CLEC10A: variants seen among roughly 807,000 people sequenced by gnomAD.
CLEC10A encodes C-type lectin domain family 10 member A.
CLEC10A carries 38 observed loss-of-function variants against 42.0 expected under a neutral mutation model. The observed-to-expected ratio is 0.90, with a 90% CI of 0.70 to 1.18. CLEC10A has a LOEUF of 1.18. CLEC10A is among the 50% of genes most tolerant of loss of function. The probability of loss-of-function intolerance (pLI) is 0.00; values close to 1 mark genes in which losing one functional copy is unlikely to be tolerated. For missense variants in CLEC10A, 298 were observed against 345.9 expected, an observed-to-expected ratio of 0.86 and a Z score of 1.10; for synonymous variants, 126 against 139.9, an observed-to-expected ratio of 0.90 and a Z score of 0.70.
Position 7,075,162 on chromosome 17 carries a change from G to C in CLEC10A, c.762C>G (p.Asp254Glu). ...WQGHGLGGGE[D>E]CAHFHPDGRW... ...TGCCGTCTGGATGGAAGTGAGCACAGTCCTCGCCTCCACCCAGCCCGTGCC... is the reference window on the plus strand; with the variant it reads ...TGCCGTCTGGATGGAAGTGAGCACACTCCTCGCCTCCACCCAGCCCGTGCC... Residue 254 changes from aspartate (D) to glutamate (E), a missense_variant, in exon 9 of 9, where the codon GAC becomes GAG. Coordinates refer to ENST00000416562, the MANE Select transcript of CLEC10A (RefSeq NM_001330070.2). 1 of 1,604,698 alleles carries C rather than the reference G, an allele frequency of 6.2e-7. No individual in the cohort carries two copies. The highest frequency in any genetic ancestry group is 8.5e-7 in the Non-Finnish European group (1 of 1,176,548).
rs200740525 is a variant in CLEC10A at position 7,075,870 on chromosome 17, G to C, written c.455C>G (p.Thr152Ser). The C allele has an allele frequency of 1.2e-5, 19 of 1,611,742 alleles. No individual in the cohort carries two copies. In the East Asian group the frequency reaches 4.0e-4, roughly 34 times the overall value. ...TLNNNASTEG[T>S]CCPVNWVEHQ... is the part of the protein sequence containing the mutation. ...CTCCACCCAGTTGACAGGGCAGCAG[G>C]TCCCTTCAGTGGAGGCTGATTGGGG... Residue 152 changes from threonine (T) to serine (S), a missense_variant, in exon 7 of 9, where the codon ACC (threonine) becomes AGC (serine). Thr to Ser is a moderately conservative substitution (Grantham distance 58, BLOSUM62 1). This residue lies in a region of CLEC10A where 267 missense variants were observed against 289.5 expected (regional missense o/e 0.92). Transcript: ENST00000416562.
intron 5 of CLEC10A, 60 bp downstream of exon 5, chr17:7,076,672 TC>T: frequency 1.3e-6 from 2 of 1,569,810 alleles, no homozygotes; most frequent in Non-Finnish European, 1.8e-6. Context: ...AGGAGTCTGT[TC>T]CCACCTCCAC....
chr17:7,078,682 A>G, intron 2 of CLEC10A, 64 bp downstream of exon 2: 1 of 1,510,506 alleles, frequency 6.6e-7, no homozygotes, highest in Non-Finnish European at 9.2e-7. Context: ...TACAGAAATG[A>G]TAGGAGAAAT....
chr17:7,076,800 G>A lies in CLEC10A; in HGVS notation c.285C>T (p.Ser95=), dbSNP rs1284928361. 1.2e-6 allele frequency: 2 copies of A among 1,613,738 alleles called. No homozygotes were observed. The highest frequency in any genetic ancestry group is 3.3e-5 in the Admixed American group (2 of 59,974). The change falls in exon 5 of 9, where the codon AGC becomes AGT. Residue 95 remains serine (S), a synonymous_variant. Coordinates refer to ENST00000416562, the MANE Select transcript of CLEC10A (RefSeq NM_001330070.2). The part of the protein sequence containing the change: ...AEIQALTSQG[S]SLEETIASLK... ...GAGATGCTATCGTTTCTTCCAAGCT[G>A]CTGCCTGGAGGACACGGAGACTTGG...
chr17:7,077,001 TG>T lies in CLEC10A; in HGVS notation c.185-15del. 1 of 1,581,580 alleles carries T rather than the reference TG, an allele frequency of 6.3e-7. No homozygotes were observed. Among genetic ancestry groups the T allele is most frequent in the Non-Finnish European group, 8.7e-7 (1 of 1,150,742 alleles). ...GAAATTTGGAATCTAAACAGGTGGATGGGAAGGTCAGTGCTGGGATTCATCA... is the reference window on the plus strand; with the variant it reads ...GAAATTTGGAATCTAAACAGGTGGATGGAAGGTCAGTGCTGGGATTCATCA... On this transcript the variant is annotated splice_polypyrimidine_tract_variant and intron_variant, in intron 3 of 8. Coordinates refer to ENST00000416562, the MANE Select transcript of CLEC10A (RefSeq NM_001330070.2).
In CLEC10A at chr17:7,076,080, C is replaced by T. The variant is rs1187699912; in HGVS notation, c.353-9G>A. 1.2e-5 allele frequency: 19 copies of T among 1,614,050 alleles called. No homozygotes were observed. The highest frequency in any genetic ancestry group is 1.5e-5 in the Non-Finnish European group (18 of 1,180,050). On this transcript the variant is annotated splice_polypyrimidine_tract_variant and intron_variant, in intron 5 of 8. Transcript: ENST00000416562. ...GAGCATTTCAGAATGAACTGGGACA[C>T]ACACAGATGGGCAGTGGGGACAGTG...
chr17:7,076,618 C>T, intron 5 of CLEC10A, 115 bp downstream of exon 5: 1 of 1,213,092 alleles, frequency 8.2e-7, no homozygotes, highest in Non-Finnish European at 1.2e-6. Flanking sequence ...GGCCTGCATG[C>T]TGCCTTTCAA....
At chr17:7,077,931 A>G in intron 3 of CLEC10A, 66 bp downstream of exon 3, 1 of 1,241,258 alleles carries the variant, frequency 8.1e-7, no homozygotes, top group Non-Finnish European at 1.2e-6. Context: ...GCCCTACTGT[A>G]GCACCCCATT....
intron 6 of CLEC10A, 28 bp downstream of exon 6, chr17:7,075,957 G>A (rs1365059109): frequency 6.2e-7 from 1 of 1,613,566 alleles, no homozygotes. Flanking sequence ...AGAAAAGTAG[G>A]GCCAGGTACT....
chr17:7,076,012 A>G lies in CLEC10A; in HGVS notation c.412T>C (p.Cys138Arg), dbSNP rs112729653. Residue 138 changes from cysteine to arginine, a missense_variant, in exon 6 of 9, where the codon TGC (cysteine) becomes CGC (arginine). By Grantham distance (180) the Cys-to-Arg change is radical. Coordinates refer to ENST00000416562, the MANE Select transcript of CLEC10A (RefSeq NM_001330070.2). ...TTGTTGTTGAGAGTAGCCACCTGGCAGGTCAGTTTCTTCAGGTCTTGCACC... is the reference window on the plus strand; with the variant it reads ...TTGTTGTTGAGAGTAGCCACCTGGCGGGTCAGTTTCTTCAGGTCTTGCACC... ...QLVQDLKKLT[C>R]QVATLNNNAS... 1,815 of 1,614,214 alleles carry G rather than the reference A, an allele frequency of 1.1e-3. 14 individuals carry two copies. In the African/African-American group the frequency reaches 0.017, roughly 15 times the overall value.
In CLEC10A at chr17:7,075,041, C is replaced by T. The variant is rs761307050; in HGVS notation, c.*13G>A. On this transcript the variant is annotated 3_prime_UTR_variant, in exon 9 of 9. Transcript: ENST00000416562. The stretch of plus-strand genomic sequence containing the variant: ...CGCCATTTCTGTGGCCGGGTGGTCC[C>T]ACCAAAGGCAGCTCAGTGACTCTCC... The T allele has an allele frequency of 1.6e-5, 25 of 1,543,698 alleles. No individual in the cohort carries two copies. The East Asian group carries it at 5.6e-4, about 34-fold the overall frequency.
chr17:7,078,956 C>T (rs1912022684), intron 1 of CLEC10A, 71 bp from the exon 2 acceptor site: 2 of 755,072 alleles, frequency 2.6e-6, no homozygotes, highest in Non-Finnish European at 2.4e-6. Context: ...AGATGAGGCT[C>T]AGGTTGAGAA....
At position 7,075,993 on chromosome 17, in the gene CLEC10A, T is replaced by C. The variant is rs1280115169; in HGVS notation, c.431A>G (p.Asn144Ser). Residue 144 changes from asparagine (N) to serine (S), a missense_variant, in exon 6 of 9, where the codon AAC (asparagine) becomes AGC (serine). Asn to Ser is a conservative substitution (Grantham distance 46). Coordinates refer to ENST00000416562, the MANE Select transcript of CLEC10A (RefSeq NM_001330070.2). The stretch of plus-strand genomic sequence containing the variant: ...CCCCATACCTTCCTCACCATTGTTG[T>C]TGAGAGTAGCCACCTGGCAGGTCAG... ...KKLTCQVATL[N>S]NNASTEGTCC... 2 of 1,614,108 alleles carry C rather than the reference T, an allele frequency of 1.2e-6. No individual in the cohort carries two copies. The highest frequency in any genetic ancestry group is 1.7e-6 in the Non-Finnish European group (2 of 1,180,040).
At position 7,078,780 on chromosome 17, in the gene CLEC10A, C is replaced by T; in HGVS notation, c.33G>A (p.Leu11=). The T allele has an allele frequency of 6.2e-7, 1 of 1,614,186 alleles. No homozygotes were observed. Among genetic ancestry groups the T allele is most frequent in the Non-Finnish European group, 8.5e-7 (1 of 1,180,028 alleles). MTRTYENFQY[L]ENKVKVQGFK... ...ACCCCTGGACTTTCACCTTATTCTC[C>T]AAGTACTGGAAGTTTTCATACGTCC... The change falls in exon 2 of 9, where the codon TTG becomes TTA. Residue 11 remains leucine, a synonymous_variant. Coordinates refer to ENST00000416562, the MANE Select transcript of CLEC10A (RefSeq NM_001330070.2).
At position 7,077,000 on chromosome 17, in the gene CLEC10A, A is replaced by C. The variant is rs371933685; in HGVS notation, c.185-13T>G. The C allele has an allele frequency of 7.6e-6, 12 of 1,584,300 alleles. No individual in the cohort carries two copies. The African/African-American group carries it at 1.5e-4, about 20-fold the overall frequency. Reference sequence around the variant, plus strand: ...TGAAATTTGGAATCTAAACAGGTGGATGGGAAGGTCAGTGCTGGGATTCAT... The same window carrying C: ...TGAAATTTGGAATCTAAACAGGTGGCTGGGAAGGTCAGTGCTGGGATTCAT... On this transcript the variant is annotated splice_polypyrimidine_tract_variant and intron_variant, in intron 3 of 8. Transcript: ENST00000416562.
rs55835902 is a variant in CLEC10A, at chr17:7,080,148, A to G, written c.-170T>C. On this transcript the variant is annotated 5_prime_UTR_variant, in exon 1 of 9. Transcript: ENST00000416562. ...GAGTTGGGAGCGCTGTGTCCTGGAG[A>G]GCTGGGGTAGAGGTGACTGGAGTCC... The G allele has an allele frequency of 0.098, 14,986 of 152,278 alleles. 834 individuals carry two copies. The highest frequency in any genetic ancestry group is 0.15 in the Middle Eastern group (45 of 294). 9.4% of individuals were successfully genotyped at this position (152,278 alleles called of 1,614,324 possible). A position where few individuals can be genotyped will look rare whatever the true frequency, so the allele number is the denominator to read the frequency against.
chr17:7,074,602 T>C lies in CLEC10A; in HGVS notation c.*452A>G, dbSNP rs116428693. 1 of 153,160 alleles carries C rather than the reference T, an allele frequency of 6.5e-6. No homozygotes were observed. Among genetic ancestry groups the C allele is most frequent in the African/African-American group, 2.4e-5 (1 of 41,488 alleles). 9.5% of individuals were successfully genotyped at this position (153,160 alleles called of 1,614,324 possible). A position where few individuals can be genotyped will look rare whatever the true frequency, so the allele number is the denominator to read the frequency against. ...ATACACGAGAGTGTATGATTTCACTTATATGAAGTTCTAGAAGCTCTAGAA... is the reference window on the plus strand; with the variant it reads ...ATACACGAGAGTGTATGATTTCACTCATATGAAGTTCTAGAAGCTCTAGAA... On this transcript the variant is annotated 3_prime_UTR_variant, in exon 9 of 9. Transcript: ENST00000416562.
In CLEC10A at chr17:7,078,879, G is replaced by A; in HGVS notation, c.-67C>T. ...GAGGCAGGGCCGGCGCCCAGTCTGGGGTGGAGCTGGGGAATAGGAGGTTGG... is the reference window on the plus strand; with the variant it reads ...GAGGCAGGGCCGGCGCCCAGTCTGGAGTGGAGCTGGGGAATAGGAGGTTGG... On this transcript the variant is annotated 5_prime_UTR_variant, in exon 2 of 9. Coordinates refer to ENST00000416562, the MANE Select transcript of CLEC10A (RefSeq NM_001330070.2). 1 of 1,478,244 alleles carries A rather than the reference G, an allele frequency of 6.8e-7. No individual in the cohort carries two copies. The highest frequency in any genetic ancestry group is 9.5e-7 in the Non-Finnish European group (1 of 1,056,306). The allele number at this position is 1,478,244 out of a possible 1,614,324, so 91.6% of individuals were successfully genotyped here.
rs1292444030 is a variant in CLEC10A at position 7,074,706 on chromosome 17, A to AT, written c.*347dup. ...GGAAGTGGTTGGACTGCCCAGAGGC[A>AT]TGAGGGGACTGGTGGGGGCGATGGC... is the stretch of plus-strand genomic sequence containing the variant. On this transcript the variant is annotated 3_prime_UTR_variant, in exon 9 of 9. Transcript: ENST00000416562. The AT allele has an allele frequency of 5.8e-6, 1 of 172,692 alleles. No homozygotes were observed. The highest frequency in any genetic ancestry group is 2.4e-5 in the African/African-American group (1 of 42,294). The allele number at this position is 172,692 out of a possible 1,614,324, so 10.7% of individuals were successfully genotyped here. A position where few individuals can be genotyped will look rare whatever the true frequency, so the allele number is the denominator to read the frequency against.
Sources: allele counts gnomAD v4.1 joint callset, GRCh38; gene constraint gnomAD v4.1.1; regional missense constraint gnomAD v4.1.1; transcripts MANE v1.5; gene names NCBI Gene and HGNC (gene_info 2026-07-23, HGNC 2026-07-21).